Variants in FILIP1 observed in about 807,000 individuals in gnomAD.
The protein encoded by FILIP1 is filamin-A-interacting protein 1.
In FILIP1, 61 loss-of-function variants were observed where a neutral mutation model predicts 102.1. The observed-to-expected ratio is 0.60, with a 90% CI of 0.49 to 0.74. The LOEUF is 0.74. FILIP1 is among the 30% of genes least tolerant of loss of function. FILIP1 has a pLI of 0.00. For synonymous variants in FILIP1, 491 were observed against 526.9 expected (o/e 0.93, Z 0.93); for missense variants, 1,314 against 1,441.2 (o/e 0.91, Z 1.43).
intron 1 of FILIP1, among the ~76,000 whole-genome samples, chr6:75,440,893 G>C (rs1033755749): frequency 8.0e-5 from 12 of 150,392 alleles, no homozygotes; most frequent in African/African-American, 2.5e-4. Context: ...AGGTTGCAGT[G>C]AGCCGAGATC....
chr6:75,417,987 C>T (rs571656352), intron 1 of FILIP1, among the ~76,000 whole-genome samples: 8 of 152,132 alleles, frequency 5.3e-5, no homozygotes, highest in East Asian at 1.9e-4. Context: ...CACCTAAGGT[C>T]GGGAGATCAA....
At chr6:75,361,988 G>C (rs2149611958) in intron 3 of FILIP1, 1 of 152,354 alleles carries the variant, frequency 6.6e-6, no homozygotes, top group Non-Finnish European at 1.5e-5. Context: ...CCAAAGGCTT[G>C]ACATAAATTA....
chr6:75,369,472 G>C (rs566796699), intron 2 of FILIP1, among the ~76,000 whole-genome samples: 1 of 152,258 alleles, frequency 6.6e-6, no homozygotes, highest in East Asian at 1.9e-4. Context: ...GAATTTCATT[G>C]ATCATGTTTC....
chr6:75,468,922 C>A (rs1050359031), intron 1 of FILIP1, among the ~76,000 whole-genome samples: 2 of 151,844 alleles, frequency 1.3e-5, no homozygotes, highest in African/African-American at 4.8e-5. Flanking sequence ...AAAAGTTAAA[C>A]CTGCAATTTT....
At chr6:75,442,366 G>C (rs1177783315) in intron 1 of FILIP1, among the ~76,000 whole-genome samples, 1 of 152,192 alleles carries the variant, frequency 6.6e-6, no homozygotes, top group East Asian at 1.9e-4. Context: ...GCCTGGCAGA[G>C]GCTGCACTCT....
At chr6:75,418,177 G>A (rs541494667) in intron 1 of FILIP1, among the ~76,000 whole-genome samples, 4 of 152,292 alleles carry the variant, frequency 2.6e-5, no homozygotes, top group Admixed American at 1.3e-4. Context: ...CAGCCTGGGC[G>A]ACAGAGCAAG....
intron 1 of FILIP1, among the ~76,000 whole-genome samples, chr6:75,485,976 CACACACACACACACACACACAT>C (rs1045292278): frequency 2.3e-5 from 3 of 133,040 alleles, no homozygotes; most frequent in African/African-American, 1.0e-4. Flanking sequence ...AAAACACACA[CACACACACACACACACACACAT>C]ACACACACAC....
At chr6:75,450,181 T>C (rs577205421) in intron 1 of FILIP1, among the ~76,000 whole-genome samples, 1 of 152,178 alleles carries the variant, frequency 6.6e-6, no homozygotes, top group South Asian at 2.1e-4. Context: ...TCTTGCTATG[T>C]TGCCCAAGCT....
chr6:75,390,834 G>A (rs1007473031), intron 2 of FILIP1, among the ~76,000 whole-genome samples: 3 of 151,980 alleles, frequency 2.0e-5, no homozygotes, highest in African/African-American at 7.2e-5. Flanking sequence ...TTTGCCTCTG[G>A]ATTGCTGTTA....
chr6:75,325,067 A>G (rs1399893714), intron 4 of FILIP1, among the ~76,000 whole-genome samples: 1 of 152,198 alleles, frequency 6.6e-6, no homozygotes, highest in Admixed American at 6.5e-5. Context: ...AAATGCAACA[A>G]AAACAAAAAT....
intron 2 of FILIP1, chr6:75,363,128 G>A: frequency 9.2e-5 from 37 of 400,678 alleles, no homozygotes; most frequent in South Asian, 2.3e-4. Flanking sequence ...CAGGCAAGCA[G>A]AAAAAAGGAT....
chr6:75,352,702 A>T (rs1159858532), intron 4 of FILIP1, among the ~76,000 whole-genome samples: 2 of 152,046 alleles, frequency 1.3e-5, no homozygotes, highest in Admixed American at 1.3e-4. Context: ...ATTAAAAATG[A>T]ATAGGATTCA....
intron 4 of FILIP1, among the ~76,000 whole-genome samples, chr6:75,345,428 G>C (rs928878034): frequency 1.3e-5 from 2 of 151,224 alleles, no homozygotes; most frequent in Non-Finnish European, 2.9e-5. Context: ...CGGGAAGCTC[G>C]CACAGGTGAA....
intron 2 of FILIP1, among the ~76,000 whole-genome samples, chr6:75,394,214 G>C (rs1776379681): frequency 6.6e-6 from 1 of 152,010 alleles, no homozygotes; most frequent in Non-Finnish European, 1.5e-5. Context: ...TGCACTTCCT[G>C]TTTTCCTGAC....
At chr6:75,355,629 C>G (rs1208909614) in intron 3 of FILIP1, among the ~76,000 whole-genome samples, 1 of 152,156 alleles carries the variant, frequency 6.6e-6, no homozygotes, top group Non-Finnish European at 1.5e-5. Context: ...TCTCAAACTC[C>G]TGACCTCAGG....
intron 1 of FILIP1, among the ~76,000 whole-genome samples, chr6:75,481,005 CTCATG>C (rs1779635761): frequency 6.6e-6 from 1 of 152,196 alleles, no homozygotes. Flanking sequence ...TTCAATAACA[CTCATG>C]TCTGATGCTT....
downstream of FILIP1, among the ~76,000 whole-genome samples, chr6:75,303,447 G>A: frequency 6.6e-6 from 1 of 152,160 alleles, no homozygotes; most frequent in East Asian, 1.9e-4. Context: ...GCAGAGCAAA[G>A]AGGTGAAAGA....
rs550181751 is a variant in FILIP1, at chr6:75,325,281, G to A, written c.630-10079C>T. Among the ~76,000 whole-genome samples, 40 of 152,240 alleles carry A rather than the reference G, an allele frequency of 2.6e-4. No homozygotes were observed. In the South Asian group the frequency reaches 8.1e-3, roughly 31 times the overall value. On this transcript the variant is annotated intron_variant, in intron 4 of 5. Transcript: ENST00000237172. ...TACTAAAAATATAAAAATTATCTGG[G>A]TGTGGTGGCACACACCTGTAGCCCC...
intron 1 of FILIP1, among the ~76,000 whole-genome samples, chr6:75,466,352 G>A (rs1582550485): frequency 6.6e-6 from 1 of 152,198 alleles, no homozygotes; most frequent in East Asian, 1.9e-4. Context: ...CTGATCAAGT[G>A]CCTGAACCAG....
Sources: allele counts gnomAD v4.1 joint callset (sites outside exome capture counted in the v4.1 genomes callset), GRCh38; gene constraint gnomAD v4.1.1; transcripts MANE v1.5; gene names NCBI Gene and HGNC (gene_info 2026-07-23, HGNC 2026-07-21).